Variants in SGSM3 observed in about 807,000 individuals in gnomAD.
The protein encoded by SGSM3 is small G protein signaling modulator 3, also known as RUN and SH3 containing 3.
In SGSM3, 96 loss-of-function variants were observed where a neutral mutation model predicts 100.5. That is an observed-to-expected ratio of 0.96 (90% CI 0.81 to 1.13). The LOEUF (loss-of-function observed/expected upper bound fraction) is 1.13, where lower values mean the gene tolerates loss of function less well. SGSM3 is among the 50% of genes most tolerant of loss of function. The pLI, the probability that SGSM3 is intolerant of heterozygous loss-of-function variation, is 0.00. For synonymous variants in SGSM3, 483 were observed against 422.8 expected (o/e 1.14, Z -1.75); for missense variants, 1,001 against 1,015.8 (o/e 0.99, Z 0.20).
chr22:40,407,390 TG>T lies in SGSM3; in HGVS notation c.1369-20del. 6.2e-7 allele frequency: 1 copy of T among 1,611,466 alleles called. No homozygotes were observed. Among genetic ancestry groups the T allele is most frequent in the Non-Finnish European group, 8.5e-7 (1 of 1,178,462 alleles). On this transcript the variant is annotated intron_variant, in intron 12 of 21. Coordinates refer to ENST00000248929, the MANE Select transcript of SGSM3 (RefSeq NM_015705.6). This position sits in a 1 kb window ranked among gnomAD's most constrained non-coding sequence, Gnocchi z 4.7. ...GCCCTAACTCCTCCAACCCCCTTGG[TG>T]GGCCTGTGTTCACTGTGGCAGGAGC...
rs759730128 is a variant in SGSM3, at chr22:40,407,001, ACTC to A, written c.1186-12_1186-10del. On this transcript the variant is annotated splice_polypyrimidine_tract_variant and intron_variant, in intron 10 of 21. Transcript: ENST00000248929. This position sits in a 1 kb window ranked among gnomAD's most constrained non-coding sequence, Gnocchi z 4.7. ...CCCGGGGCCAGGACCACCCTGACCC[ACTC>A]CTCTTGGTGCAGGTTGTTCGCCGCA... 1.9e-5 allele frequency: 29 copies of A among 1,562,232 alleles called. No homozygotes were observed. The highest frequency in any genetic ancestry group is 2.5e-5 in the Non-Finnish European group (29 of 1,153,164).
At chr22:40,389,547 T>C (rs1470129736) in intron 1 of SGSM3, among the ~76,000 whole-genome samples, 2 of 121,170 alleles carry the variant, frequency 1.7e-5, no homozygotes, top group Non-Finnish European at 3.3e-5. Flanking sequence ...TGCAGTGAGC[T>C]GAGATCGGGC....
In SGSM3 at chr22:40,407,569, G is replaced by T. The variant is rs1228513761; in HGVS notation, c.1524+1G>T. 1 of 1,601,986 alleles carries T rather than the reference G, an allele frequency of 6.2e-7. No homozygotes were observed. Among genetic ancestry groups the T allele is most frequent in the Non-Finnish European group, 8.5e-7 (1 of 1,179,066 alleles). The stretch of plus-strand genomic sequence containing the variant: ...CTTCCGCAAGAACGACATCATCACA[G>T]TGCGTGGGGGCGCTGGACTACCAGG... On this transcript the variant is annotated splice_donor_variant, in intron 13 of 21. Transcript: ENST00000248929. LOFTEE classifies it high-confidence loss of function. This position sits in a 1 kb window ranked among gnomAD's most constrained non-coding sequence, Gnocchi z 4.7.
chr22:40,390,500 T>C (rs2146885662), intron 1 of SGSM3: 1 of 152,252 alleles, frequency 6.6e-6, no homozygotes, highest in East Asian at 1.9e-4. Flanking sequence ...TCTGGTATTT[T>C]GTTCTCAAAA....
chr22:40,394,177 A>T (rs2049742643), intron 1 of SGSM3, among the ~76,000 whole-genome samples: 1 of 152,186 alleles, frequency 6.6e-6, no homozygotes, highest in Non-Finnish European at 1.5e-5. Flanking sequence ...TAGTTCTGAC[A>T]TCTGTGAACT....
intron 1 of SGSM3, among the ~76,000 whole-genome samples, chr22:40,375,088 C>T (rs903672896): frequency 6.6e-6 from 1 of 152,202 alleles, no homozygotes; most frequent in African/African-American, 2.4e-5. Flanking sequence ...CACCTCTTTT[C>T]AGTAGGCACA....
Position 40,407,863 on chromosome 22 carries a change from C to T in SGSM3, c.1579+20C>T. On this transcript the variant is annotated intron_variant, in intron 14 of 21. Coordinates refer to ENST00000248929, the MANE Select transcript of SGSM3 (RefSeq NM_015705.6). The surrounding 1 kb of genome is among the most constrained non-coding windows in gnomAD (Gnocchi z 4.7). ...TGCGAGGTGGGGTCCTTGGTCTGCTCTTGAGCTGGGAGAGGGAGGAGGGGG... is the reference window on the plus strand; with the variant it reads ...TGCGAGGTGGGGTCCTTGGTCTGCTTTTGAGCTGGGAGAGGGAGGAGGGGG... The T allele has an allele frequency of 1.2e-6, 2 of 1,601,228 alleles. No individual in the cohort carries two copies. The highest frequency in any genetic ancestry group is 1.7e-6 in the Non-Finnish European group (2 of 1,172,332).
At chr22:40,371,351 A>G (rs1354814015) in intron 1 of SGSM3, among the ~76,000 whole-genome samples, 1 of 152,250 alleles carries the variant, frequency 6.6e-6, no homozygotes, top group Non-Finnish European at 1.5e-5. Flanking sequence ...TGACTGGGTG[A>G]CTAGTGTATC....
chr22:40,372,709 G>T (rs2045824127), intron 1 of SGSM3: 2 of 152,180 alleles, frequency 1.3e-5, no homozygotes, highest in South Asian at 4.1e-4. Flanking sequence ...TTATTTTACA[G>T]CCATCTTTCT....
intron 1 of SGSM3, among the ~76,000 whole-genome samples, chr22:40,374,262 T>G (rs1307872071): frequency 1.3e-5 from 2 of 151,710 alleles, no homozygotes; most frequent in Non-Finnish European, 2.9e-5. Flanking sequence ...AATAGGGCGG[T>G]TTTTATAGTT....
chr22:40,393,262 CGCG>C (rs2049600410), intron 1 of SGSM3, among the ~76,000 whole-genome samples: 1 of 152,192 alleles, frequency 6.6e-6, no homozygotes, highest in Non-Finnish European at 1.5e-5. Context: ...GACTAAGAGG[CGCG>C]TGCCACCACG....
At chr22:40,400,907 C>T in intron 2 of SGSM3, 94 bp downstream of exon 2, 1 of 1,251,528 alleles carries the variant, frequency 8.0e-7, no homozygotes, top group African/African-American at 1.6e-5. Flanking sequence ...AAAACACCAT[C>T]CAGATAAGAG....
At chr22:40,371,637 C>G (rs1393426663) in intron 1 of SGSM3, among the ~76,000 whole-genome samples, 1 of 152,148 alleles carries the variant, frequency 6.6e-6, no homozygotes, top group Admixed American at 6.6e-5. Flanking sequence ...AGTTGAATTA[C>G]ATCTTTGTTT....
At chr22:40,385,842 G>A (rs1036249564) in intron 1 of SGSM3, among the ~76,000 whole-genome samples, 2 of 152,002 alleles carry the variant, frequency 1.3e-5, no homozygotes, top group African/African-American at 4.8e-5. Flanking sequence ...AGCAGAAAGA[G>A]CAGAGGAACA....
chr22:40,386,315 T>C (rs2048432621), intron 1 of SGSM3, among the ~76,000 whole-genome samples: 1 of 152,162 alleles, frequency 6.6e-6, no homozygotes. Context: ...CATTATTAAG[T>C]GTGAAATAAT....
chr22:40,405,930 C>G lies in SGSM3; in HGVS notation c.814+86C>G, dbSNP rs2051428664. 18 of 1,483,420 alleles carry G rather than the reference C, an allele frequency of 1.2e-5. No homozygotes were observed. In the South Asian group the frequency reaches 2.1e-4, roughly 18 times the overall value. The allele number at this position is 1,483,420 out of a possible 1,614,324, so 91.9% of individuals were successfully genotyped here. On this transcript the variant is annotated intron_variant, in intron 8 of 21. Transcript: ENST00000248929. Reference sequence around the variant, plus strand: ...CGAGTGGGGATAGGGCACAGCCCCCCAACCATGGTCTTTGTCGCTCTTTTG... The same window carrying G: ...CGAGTGGGGATAGGGCACAGCCCCCGAACCATGGTCTTTGTCGCTCTTTTG...
At chr22:40,404,969 T>G (rs1036667463) in intron 6 of SGSM3, 172 bp from the exon 7 acceptor site, 6 of 432,718 alleles carry the variant, frequency 1.4e-5, no homozygotes, top group African/African-American at 2.1e-5. Context: ...CCCAGCTGGA[T>G]TTGATGTCCC....
chr22:40,394,290 C>T (rs1271716830), intron 1 of SGSM3, among the ~76,000 whole-genome samples: 2 of 152,216 alleles, frequency 1.3e-5, no homozygotes, highest in African/African-American at 2.4e-5. Context: ...ACCCCAAAAT[C>T]TGCTCTTTCA....
In SGSM3 at chr22:40,409,982, G is replaced by A; in HGVS notation, c.*223G>A. On this transcript the variant is annotated 3_prime_UTR_variant, in exon 22 of 22. Coordinates refer to ENST00000248929, the MANE Select transcript of SGSM3 (RefSeq NM_015705.6). ...GATGCTCTAGGCCAAACCACAGTTT[G>A]TACCAAAAACCTTGTGAGGAGGTGG... 7.4e-7 allele frequency: 1 copy of A among 1,342,852 alleles called. No individual in the cohort carries two copies. Among genetic ancestry groups the A allele is most frequent in the Non-Finnish European group, 9.5e-7 (1 of 1,053,704 alleles). The allele number at this position is 1,342,852 out of a possible 1,614,324, so 83.2% of individuals were successfully genotyped here. A position where few individuals can be genotyped will look rare whatever the true frequency, so the allele number is the denominator to read the frequency against.
Sources: allele counts gnomAD v4.1 joint callset (sites outside exome capture counted in the v4.1 genomes callset), GRCh38; gene constraint gnomAD v4.1.1; non-coding constraint Gnocchi (gnomAD v3.1); transcripts MANE v1.5; gene names NCBI Gene and HGNC (gene_info 2026-07-23, HGNC 2026-07-21).